The following TTC23L variants were observed in gnomAD, a reference collection of about 807,000 sequenced individuals.
TTC23L encodes tetratricopeptide repeat domain 23 like, also known as tetratricopeptide repeat protein 23-like.
A neutral mutation model predicts 48.1 loss-of-function variants in TTC23L; 42 were observed. The observed-to-expected ratio is 0.87, with a 90% CI of 0.68 to 1.13. TTC23L has a LOEUF of 1.13. TTC23L is among the 50% of genes most tolerant of loss of function. The pLI is 0.00. For synonymous variants in TTC23L, 159 were observed against 157.2 expected, an observed-to-expected ratio of 1.01 and a Z score of -0.09; for missense variants, 391 against 421.0, an observed-to-expected ratio of 0.93 and a Z score of 0.62.
chr5:34,886,235 C>T (rs1369449467), intron 9 of TTC23L, among the ~76,000 whole-genome samples: 4 of 151,910 alleles, frequency 2.6e-5, no homozygotes, highest in East Asian at 1.9e-4. Flanking sequence ...ATTCTTAATA[C>T]AAATTACTTA....
chr5:34,850,164 A>G (rs1759547091), intron 3 of TTC23L, 21 bp from the exon 4 acceptor site: 2 of 1,613,126 alleles, frequency 1.2e-6, no homozygotes, highest in Non-Finnish European at 1.7e-6. Flanking sequence ...CAAAAAGTAT[A>G]ATCACTTCTG....
At chr5:34,840,141 C>T (rs1758491668) in intron 1 of TTC23L, among the ~76,000 whole-genome samples, 1 of 151,262 alleles carries the variant, frequency 6.6e-6, no homozygotes, top group African/African-American at 2.4e-5. Flanking sequence ...ATCCACCCGC[C>T]TCGGCTTCCC....
chr5:34,904,849 T>C, the TTC23L span, among the ~76,000 whole-genome samples: 4 of 152,216 alleles, frequency 2.6e-5, no homozygotes, highest in Admixed American at 1.3e-4. Context: ...TTTACTAGAT[T>C]GTTACTTCCT....
chr5:34,899,083 G>C (rs1763404648), intron 10 of TTC23L, among the ~76,000 whole-genome samples: 1 of 152,108 alleles, frequency 6.6e-6, no homozygotes, highest in African/African-American at 2.4e-5. Context: ...TTTTCCACCT[G>C]GGATTTAAAC....
intron 4 of TTC23L, among the ~76,000 whole-genome samples, chr5:34,854,044 G>A (rs1461131907): frequency 6.6e-6 from 1 of 152,214 alleles, no homozygotes; most frequent in African/African-American, 2.4e-5. Flanking sequence ...TCCATAATGA[G>A]CCACAAACTG....
At chr5:34,924,766 A>G in the TTC23L span, 1 of 860,116 alleles carries the variant, frequency 1.2e-6, no homozygotes, top group Non-Finnish European at 1.8e-6. Flanking sequence ...TTTCAGGCAC[A>G]TTTATAATGA....
intron 3 of TTC23L, among the ~76,000 whole-genome samples, chr5:34,846,576 A>AAAT (rs1208315692): frequency 3.1e-5 from 3 of 98,344 alleles, no homozygotes; most frequent in African/African-American, 6.3e-5. Context: ...AAAAAAAAAA[A>AAAT]ATATATATAT....
intron 8 of TTC23L, among the ~76,000 whole-genome samples, chr5:34,870,749 G>C (rs1185508616): frequency 6.6e-6 from 1 of 152,138 alleles, no homozygotes; most frequent in Non-Finnish European, 1.5e-5. Flanking sequence ...GTGAGATCCA[G>C]TGTGTTTAGG....
At chr5:34,880,277 G>A in exon 9 of TTC23L, 1 of 1,612,700 alleles carries the variant, frequency 6.2e-7, no homozygotes, top group Non-Finnish European at 8.5e-7. Flanking sequence ...GAAGAATTTT[G>A]CAAATGGCTT....
At chr5:34,914,466 T>C in the TTC23L span, 1 of 546,344 alleles carries the variant, frequency 1.8e-6, no homozygotes, top group Non-Finnish European at 3.2e-6. Context: ...AACCATTATC[T>C]CTGTAAAACA....
At chr5:34,882,639 A>ACACACACACACACACACACT (rs1561151594) in intron 9 of TTC23L, among the ~76,000 whole-genome samples, 4 of 151,822 alleles carry the variant, frequency 2.6e-5, no homozygotes, top group African/African-American at 9.7e-5. Context: ...ACACACACAC[A>ACACACACACACACACACACT]CACACACACA....
At chr5:34,910,209 C>T in the TTC23L span, among the ~76,000 whole-genome samples, 1 of 152,112 alleles carries the variant, frequency 6.6e-6, no homozygotes, top group Non-Finnish European at 1.5e-5. Flanking sequence ...CAAATTGTTT[C>T]CCATCCTGGA....
chr5:34,853,545 A>G (rs1759864860), intron 4 of TTC23L, among the ~76,000 whole-genome samples: 2 of 151,810 alleles, frequency 1.3e-5, no homozygotes, highest in African/African-American at 4.8e-5. Context: ...GTAGAAAGAG[A>G]GGGGAAGAGA....
chr5:34,879,287 A>G (rs111738888), intron 8 of TTC23L, among the ~76,000 whole-genome samples: 7,333 of 152,344 alleles, frequency 0.048, 247 homozygotes, highest in South Asian at 0.1. Context: ...CAATTTATAC[A>G]TGTAACAGAA....
chr5:34,839,641 G>A, intron 1 of TTC23L: 1 of 985,364 alleles, frequency 1.0e-6, no homozygotes, highest in Non-Finnish European at 1.2e-6. Flanking sequence ...GATAATGGAT[G>A]CTCTGGAGCC....
rs865837656 is a variant in TTC23L at position 34,881,889 on chromosome 5, G to A, written c.1077+1581G>A. Among the ~76,000 whole-genome samples, 31 of 149,344 alleles carry A rather than the reference G, an allele frequency of 2.1e-4. 1 individual carries two copies. In the South Asian group the frequency reaches 2.1e-3, roughly 10 times the overall value. The stretch of plus-strand genomic sequence containing the variant: ...AGCGATTTTTGTGCCTCAGCCTCCC[G>A]GAACAGCTGGGATTACAGGCGCCCA... On this transcript the variant is annotated intron_variant, in intron 9 of 10. Coordinates refer to ENST00000505624, the Ensembl canonical transcript of TTC23L.
At chr5:34,851,686 G>T (rs190783495) in intron 4 of TTC23L, among the ~76,000 whole-genome samples, 2 of 152,164 alleles carry the variant, frequency 1.3e-5, no homozygotes, top group Non-Finnish European at 2.9e-5. Context: ...GTGGCGTTCC[G>T]TGCTTCCTTA....
chr5:34,858,627 T>C (rs1425734533), intron 4 of TTC23L, among the ~76,000 whole-genome samples: 1 of 151,948 alleles, frequency 6.6e-6, no homozygotes, highest in Non-Finnish European at 1.5e-5. Flanking sequence ...TGTACAACAG[T>C]ATTGATGTGT....
the TTC23L span, among the ~76,000 whole-genome samples, chr5:34,924,152 A>G: frequency 6.6e-6 from 1 of 152,234 alleles, no homozygotes; most frequent in Non-Finnish European, 1.5e-5. Flanking sequence ...AGAAAAGAGG[A>G]GGTGACTCTA....
Sources: gnomAD v4.1 joint callset for allele counts (sites outside exome capture counted in the v4.1 genomes callset) on GRCh38, gnomAD v4.1.1 for gene constraint, MANE v1.5 for transcripts, NCBI Gene and HGNC (gene_info 2026-07-23, HGNC 2026-07-21) for gene names.